CHMP7: variants seen among roughly 807,000 people sequenced by gnomAD.
The protein encoded by CHMP7 is CHMP family, member 7.
Under a neutral mutation model 53.7 loss-of-function variants are expected in CHMP7, and 15 were observed. The ratio of observed to expected loss-of-function variants is 0.28; its 90% confidence interval spans 0.19 to 0.43. The LOEUF is 0.43. CHMP7 is among the 20% of genes least tolerant of loss of function. The probability of loss-of-function intolerance (pLI) is 1.00; values close to 1 mark genes in which losing one functional copy is unlikely to be tolerated. For missense variants in CHMP7, 527 were observed against 569.4 expected, an observed-to-expected ratio of 0.93 and a Z score of 0.76; for synonymous variants, 261 against 228.0, an observed-to-expected ratio of 1.14 and a Z score of -1.30.
chr8:23,247,083 A>T (rs1203274433), intron 2 of CHMP7, 89 bp downstream of exon 2: 2 of 1,296,304 alleles, frequency 1.5e-6, no homozygotes, highest in East Asian at 2.7e-5. Context: ...TGCACAGCGC[A>T]CTGCGCCCAG....
intron 3 of CHMP7, 115 bp downstream of exon 3, chr8:23,249,496 T>C: frequency 2.6e-6 from 2 of 760,190 alleles, no homozygotes; most frequent in Non-Finnish European, 2.0e-6. Flanking sequence ...GGCTACTGAG[T>C]TGATAACTGA....
In CHMP7 at chr8:23,256,605, C is replaced by T. The variant is rs1295768951; in HGVS notation, c.791+12C>T. ...CAGGAAGCAGAGAGGTAACTTTTAA[C>T]CCTGAACTGAGCCTCCTCCCCACTG... On this transcript the variant is annotated intron_variant, in intron 5 of 10. Coordinates refer to ENST00000397677, the MANE Select transcript of CHMP7 (RefSeq NM_152272.5). The T allele has an allele frequency of 6.2e-7, 1 of 1,612,616 alleles. No homozygotes were observed. The highest frequency in any genetic ancestry group is 2.2e-5 in the East Asian group (1 of 44,832).
chr8:23,252,088 C>T (rs1370941241), intron 3 of CHMP7, among the ~76,000 whole-genome samples: 1 of 150,676 alleles, frequency 6.6e-6, no homozygotes, highest in Non-Finnish European at 1.5e-5. Flanking sequence ...AAAAATGATA[C>T]GTCCTGTTTG....
Position 23,246,683 on chromosome 8 carries a change from G to C in CHMP7, c.-13G>C. Reference sequence around the variant, plus strand: ...AGGCTTGTGTTCGCAGCCTTGCCGGGGCTGGGGTTCCGATGTGGTCCCCGG... The same window carrying C: ...AGGCTTGTGTTCGCAGCCTTGCCGGCGCTGGGGTTCCGATGTGGTCCCCGG... On this transcript the variant is annotated 5_prime_UTR_variant, in exon 2 of 11. Transcript: ENST00000397677. 3 of 1,545,638 alleles carry C rather than the reference G, an allele frequency of 1.9e-6. No individual in the cohort carries two copies. Among genetic ancestry groups the C allele is most frequent in the Non-Finnish European group, 1.7e-6 (2 of 1,144,890 alleles).
chr8:23,257,408 C>G (rs1426239902), intron 5 of CHMP7, among the ~76,000 whole-genome samples: 1 of 152,200 alleles, frequency 6.6e-6, no homozygotes, highest in African/African-American at 2.4e-5. Context: ...AAACGTGAGT[C>G]TTAATGCTTC....
chr8:23,253,913 A>G (rs1802026741), intron 3 of CHMP7, among the ~76,000 whole-genome samples: 1 of 152,204 alleles, frequency 6.6e-6, no homozygotes, highest in South Asian at 2.1e-4. Context: ...ATTGGCAGTT[A>G]GCTTTCTGTT....
intron 3 of CHMP7, 136 bp downstream of exon 3, chr8:23,249,517 T>C: frequency 1.6e-6 from 1 of 636,516 alleles, no homozygotes; most frequent in Non-Finnish European, 2.6e-6. Context: ...GTTTATCTGC[T>C]CTCCCTTGTA....
intron 9 of CHMP7, 68 bp from the exon 10 acceptor site, chr8:23,260,076 C>A: frequency 7.4e-7 from 1 of 1,348,664 alleles, no homozygotes; most frequent in South Asian, 1.3e-5. Context: ...TTGGTAACCT[C>A]AGTCCTGTAC....
intron 5 of CHMP7, among the ~76,000 whole-genome samples, chr8:23,256,985 G>T (rs796774306): frequency 1.2e-4 from 18 of 151,932 alleles, no homozygotes; most frequent in African/African-American, 4.3e-4. Context: ...GTAGAGATGG[G>T]GTTTCACTGT....
At chr8:23,259,261 C>T (rs1182815349) in intron 9 of CHMP7, 135 bp downstream of exon 9, 28 of 494,502 alleles carry the variant, frequency 5.7e-5, no homozygotes, top group Non-Finnish European at 7.1e-5. Flanking sequence ...CTCCGCCTCC[C>T]GGGTTCACGC....
In CHMP7 at chr8:23,258,057, A is replaced by C; in HGVS notation, c.816A>C (p.Ala272=). The part of the protein sequence containing the change: ...AERCKEEARR[A]CRAGKKQLAL... ...GGTGTAAAGAAGAAGCCCGCCGGGC[A>C]TGCCGAGCAGGAAAGAAGCAGCTGG... Residue 272 remains alanine (A), a synonymous_variant, in exon 6 of 11, where the codon GCA becomes GCC. Transcript: ENST00000397677. 6.2e-7 allele frequency: 1 copy of C among 1,613,568 alleles called. No homozygotes were observed. The highest frequency in any genetic ancestry group is 1.6e-4 in the Middle Eastern group (1 of 6,062).
At chr8:23,258,885 T>C (rs945491894) in intron 8 of CHMP7, 55 bp downstream of exon 8, 3 of 1,266,614 alleles carry the variant, frequency 2.4e-6, no homozygotes, top group Non-Finnish European at 2.3e-6. Context: ...AGAGGACAGA[T>C]TTGACTTCAT....
At chr8:23,251,366 C>T (rs147577022) in intron 3 of CHMP7, among the ~76,000 whole-genome samples, 1 of 152,296 alleles carries the variant, frequency 6.6e-6, no homozygotes, top group African/African-American at 2.4e-5. Context: ...ACTTTTCTCT[C>T]TTTGGGTACT....
chr8:23,259,447 G>A (rs186256875), intron 9 of CHMP7, among the ~76,000 whole-genome samples: 547 of 151,288 alleles, frequency 3.6e-3, no homozygotes, highest in Middle Eastern at 6.8e-3. Flanking sequence ...TGCAACCTCC[G>A]CCTCCTGGGT....
intron 2 of CHMP7, chr8:23,248,035 C>T (rs528210316): frequency 1.1e-4 from 51 of 455,954 alleles, no homozygotes; most frequent in Non-Finnish European, 1.9e-4. Flanking sequence ...TGGTCTCGAA[C>T]TCCTGCACTC....
At chr8:23,248,876 A>G (rs1801812563) in intron 2 of CHMP7, among the ~76,000 whole-genome samples, 1 of 152,250 alleles carries the variant, frequency 6.6e-6, no homozygotes, top group African/African-American at 2.4e-5. Flanking sequence ...CCGAAGGCCC[A>G]GAAGCCGCCT....
Position 23,258,275 on chromosome 8 carries a change from C to T in CHMP7, c.841-55C>T, listed in dbSNP as rs1051769766. 15 of 1,610,664 alleles carry T rather than the reference C, an allele frequency of 9.3e-6. No homozygotes were observed. In the African/African-American group the frequency reaches 1.7e-4, roughly 19 times the overall value. ...TTAGCGTCTGGGAAGGGCTGTCTTC[C>T]TCTTGCCCTTTGGCTCGCCCAGTTC... On this transcript the variant is annotated intron_variant, in intron 6 of 10. Transcript: ENST00000397677.
Position 23,260,692 on chromosome 8 carries a change from T to C in CHMP7, c.*93T>C. 9.9e-7 allele frequency: 1 copy of C among 1,006,448 alleles called. No homozygotes were observed. The highest frequency in any genetic ancestry group is 1.6e-6 in the Non-Finnish European group (1 of 632,274). The allele number at this position is 1,006,448 out of a possible 1,614,324, so 62.3% of individuals were successfully genotyped here. A position where few individuals can be genotyped will look rare whatever the true frequency, so the allele number is the denominator to read the frequency against. ...AAACAAGAAACTCTCAGAATGTGTT[T>C]GGAAGAGGAGAAAGGAGAACCACTG... On this transcript the variant is annotated 3_prime_UTR_variant, in exon 11 of 11. Transcript: ENST00000397677.
chr8:23,260,135 T>C lies in CHMP7; in HGVS notation c.1121-9T>C. 6.2e-7 allele frequency: 1 copy of C among 1,612,732 alleles called. No homozygotes were observed. Among genetic ancestry groups the C allele is most frequent in the South Asian group, 1.1e-5 (1 of 91,042 alleles). ...GTTTATGCATCTTTATGTTGTCTTTTCTTTCCAGATTTTGACAGTGAAGAA... is the reference window on the plus strand; with the variant it reads ...GTTTATGCATCTTTATGTTGTCTTTCCTTTCCAGATTTTGACAGTGAAGAA... On this transcript the variant is annotated splice_polypyrimidine_tract_variant and intron_variant, in intron 9 of 10. Coordinates refer to ENST00000397677, the MANE Select transcript of CHMP7 (RefSeq NM_152272.5).
Sources: allele counts gnomAD v4.1 joint callset (sites outside exome capture counted in the v4.1 genomes callset), GRCh38; gene constraint gnomAD v4.1.1; transcripts MANE v1.5; gene names NCBI Gene and HGNC (gene_info 2026-07-23, HGNC 2026-07-21).